Variants in ARL13A observed in about 807,000 individuals in gnomAD.
ARL13A encodes ADP-ribosylation factor-like protein 13A.
Under a neutral mutation model 19.1 loss-of-function variants are expected in ARL13A, and 16 were observed. The ratio of observed to expected loss-of-function variants is 0.84; its 90% CI spans 0.57 to 1.27. The LOEUF is 1.27. Ranked by LOEUF, ARL13A falls within the 50% of genes most tolerant of loss-of-function variation. The pLI is 0.00. For synonymous variants in ARL13A, 69 were observed against 71.3 expected (o/e 0.97, Z 0.17); for missense variants, 153 against 186.4 (o/e 0.82, Z 1.04).
At chrX:100,989,482 C>T (rs959790325) in intron 7 of ARL13A, among the ~76,000 whole-genome samples, 4 of 109,440 alleles carry the variant, frequency 3.7e-5, no homozygotes, top group African/African-American at 1.3e-4. Flanking sequence ...TGGTGGCGGA[C>T]GCCTGTATTC....
At chrX:100,985,581 T>A (rs2085923374) in intron 3 of ARL13A, 86 bp from the exon 4 acceptor site, 2 of 1,090,815 alleles carry the variant, frequency 1.8e-6, no homozygotes, top group Non-Finnish European at 2.5e-6. Context: ...GACAACTGCA[T>A]GAAATCGGAA....
intron 7 of ARL13A, among the ~76,000 whole-genome samples, chrX:100,989,088 A>T (rs2085983504): frequency 9.1e-6 from 1 of 110,143 alleles, no homozygotes; most frequent in Non-Finnish European, 1.9e-5. Context: ...GCCATGGAAT[A>T]CTATGCATAC....
Position 100,990,684 on chromosome X carries a change from G to T in ARL13A, c.*96G>T. The T allele has an allele frequency of 1.1e-6, 1 of 921,191 alleles. No individual in the cohort carries two copies. Among genetic ancestry groups the T allele is most frequent in the South Asian group, 2.2e-5 (1 of 44,796 alleles). 75.9% of individuals were successfully genotyped at this position (921,191 alleles called of 1,213,427 possible). A position where few individuals can be genotyped will look rare whatever the true frequency, so the allele number is the denominator to read the frequency against. On this transcript the variant is annotated 3_prime_UTR_variant, in exon 8 of 8. Transcript: ENST00000450049. ...TACATCTTTGTACCGAGATGCTGCT[G>T]ACAAAGCTTGTGGACAATAAGTCAT...
intron 5 of ARL13A, 57 bp from the exon 6 acceptor site, chrX:100,987,333 C>G: frequency 2.6e-6 from 3 of 1,136,476 alleles, no homozygotes; most frequent in Non-Finnish European, 3.5e-6. Context: ...ACTGGTTCTG[C>G]GGGCCCCAGG....
chrX:100,979,175 A>G (rs886508534), intron 3 of ARL13A, among the ~76,000 whole-genome samples: 1 of 111,818 alleles, frequency 8.9e-6, no homozygotes, highest in Admixed American at 9.5e-5. Context: ...TTACAGTATT[A>G]TAACAATATT....
chrX:100,988,973 T>C (rs2147977660), intron 7 of ARL13A, among the ~76,000 whole-genome samples: 1 of 106,519 alleles, frequency 9.4e-6, no homozygotes, highest in South Asian at 4.1e-4. Context: ...CAAAAAACGA[T>C]GCTCAAGGAT....
chrX:100,980,872 G>T (rs1391618098), intron 3 of ARL13A, among the ~76,000 whole-genome samples: 2 of 111,751 alleles, frequency 1.8e-5, no homozygotes, highest in African/African-American at 3.3e-5. Flanking sequence ...GCCCAGGATG[G>T]GTCTAGAAAT....
At position 100,985,676 on chromosome X, in the gene ARL13A, G is replaced by A; in HGVS notation, c.140G>A (p.Ser47Asn). Reference sequence around the variant, plus strand: ...TTTCCCCTATGCACAGTACTTCCCAGTAAGACAGACCATTGCATGAAATCG... The same window carrying A: ...TTTCCCCTATGCACAGTACTTCCCAATAAGACAGACCATTGCATGAAATCG... ...LVEAFQKLLP[S>N]KTDHCMKSEL... Residue 47 changes from serine to asparagine, a missense_variant, in exon 4 of 8, where the codon AGT becomes AAT. By Grantham distance (46) the Ser-to-Asn change is conservative. Coordinates refer to ENST00000450049, the MANE Select transcript of ARL13A (RefSeq NM_001162491.2). 1 of 1,209,148 alleles carries A rather than the reference G, an allele frequency of 8.3e-7. No homozygotes were observed. Among genetic ancestry groups the A allele is most frequent in the East Asian group, 3.0e-5 (1 of 33,819 alleles).
At chrX:100,978,923 T>A (rs1456984275) in intron 3 of ARL13A, among the ~76,000 whole-genome samples, 3 of 111,200 alleles carry the variant, frequency 2.7e-5, no homozygotes, top group Non-Finnish European at 5.7e-5. Flanking sequence ...TTTTTAATAT[T>A]CACCCACTGC....
chrX:100,990,516 T>C lies in ARL13A; in HGVS notation c.745-46T>C, dbSNP rs764685748. The C allele has an allele frequency of 3.7e-5, 41 of 1,094,916 alleles. No homozygotes were observed. The South Asian group carries it at 1.0e-3, about 27-fold the overall frequency. 90.2% of individuals were successfully genotyped at this position (1,094,916 alleles called of 1,213,427 possible). ...CCATACAACTCCACCTACTCTAATA[T>C]CACATCCCTGAGAACCCCTGTTGTT... is the stretch of plus-strand genomic sequence containing the variant. On this transcript the variant is annotated intron_variant, in intron 7 of 7. Coordinates refer to ENST00000450049, the MANE Select transcript of ARL13A (RefSeq NM_001162491.2).
chrX:100,973,444 G>A (rs1319907841), intron 1 of ARL13A, among the ~76,000 whole-genome samples: 1 of 107,420 alleles, frequency 9.3e-6, no homozygotes, highest in Non-Finnish European at 1.9e-5. Flanking sequence ...CCGGCGCGGC[G>A]GCAAAGACTG....
intron 1 of ARL13A, among the ~76,000 whole-genome samples, 179 bp from the exon 2 acceptor site, chrX:100,973,497 G>A (rs911525259): frequency 9.0e-5 from 10 of 110,799 alleles, no homozygotes; most frequent in Admixed American, 1.9e-4. Flanking sequence ...CCCGGCGGTC[G>A]GGCGGCGGCG....
chrX:100,972,262 G>T (rs2085664352), intron 1 of ARL13A, among the ~76,000 whole-genome samples: 1 of 101,942 alleles, frequency 9.8e-6, no homozygotes, highest in Admixed American at 1.0e-4. Context: ...CCCAGACGGG[G>T]TGGTGGCCGG....
Position 100,973,712 on chromosome X carries a change from G to A in ARL13A, c.23G>A (p.Cys8Tyr). Reference sequence around the variant, plus strand: ...ATCATGTTCCGGCTTTTGTCCTCCTGCTGCTCTTGCCTAAGGACAACAGAA... The same window carrying A: ...ATCATGTTCCGGCTTTTGTCCTCCTACTGCTCTTGCCTAAGGACAACAGAA... MFRLLSS[C>Y]CSCLRTTEET... Residue 8 changes from cysteine (C) to tyrosine (Y), a missense_variant, in exon 2 of 8, where the codon TGC (cysteine) becomes TAC (tyrosine). By Grantham distance (194) the Cys-to-Tyr change is radical (BLOSUM62 -2). Coordinates refer to ENST00000450049, the MANE Select transcript of ARL13A (RefSeq NM_001162491.2). The A allele has an allele frequency of 1.7e-6, 2 of 1,210,936 alleles. No individual in the cohort carries two copies. The highest frequency in any genetic ancestry group is 2.2e-6 in the Non-Finnish European group (2 of 894,954).
chrX:100,987,648 C>A, intron 6 of ARL13A, 92 bp downstream of exon 6: 1 of 1,028,482 alleles, frequency 9.7e-7, no homozygotes, highest in South Asian at 2.2e-5. Flanking sequence ...GTGCTTGGAT[C>A]CTGGGTGGCA....
chrX:100,986,854 C>T lies in ARL13A; in HGVS notation c.439C>T (p.Leu147=). The change falls in exon 5 of 8, where the codon CTA becomes TTA. Residue 147 remains leucine, a synonymous_variant. Transcript: ENST00000450049. ...CATGCCTTGTGATATTATTGACTAT[C>T]TACTTCTAAAGAAGCTAGTGAAAGA... ...ALMPCDIIDY[L]LLKKLVKENK... 1 of 1,206,267 alleles carries T rather than the reference C, an allele frequency of 8.3e-7. No homozygotes were observed. Among genetic ancestry groups the T allele is most frequent in the Non-Finnish European group, 1.1e-6 (1 of 892,513 alleles).
chrX:100,987,287 G>C lies in ARL13A; in HGVS notation c.487-103G>C, dbSNP rs1179485671. Reference sequence around the variant, plus strand: ...TCTCAGAGCCTCTCTAGGCATAGCAGAGTTTATGTGTTCCTTCACTCTTTG... The same window carrying C: ...TCTCAGAGCCTCTCTAGGCATAGCACAGTTTATGTGTTCCTTCACTCTTTG... On this transcript the variant is annotated intron_variant, in intron 5 of 7. Coordinates refer to ENST00000450049, the MANE Select transcript of ARL13A (RefSeq NM_001162491.2). The C allele has an allele frequency of 7.1e-6, 6 of 839,597 alleles. No individual in the cohort carries two copies. The East Asian group carries it at 2.0e-4, about 27-fold the overall frequency. 69.2% of individuals were successfully genotyped at this position (839,597 alleles called of 1,213,427 possible). A position where few individuals can be genotyped will look rare whatever the true frequency, so the allele number is the denominator to read the frequency against.
intron 7 of ARL13A, among the ~76,000 whole-genome samples, chrX:100,990,033 A>G: frequency 8.9e-6 from 1 of 112,914 alleles, no homozygotes; most frequent in East Asian, 2.8e-4. Flanking sequence ...ATAACTCCAG[A>G]ACTTATGGCA....
intron 1 of ARL13A, among the ~76,000 whole-genome samples, chrX:100,972,262 G>A (rs2085664352): frequency 2.0e-5 from 2 of 101,942 alleles, no homozygotes; most frequent in Admixed American, 2.0e-4. Flanking sequence ...CCCAGACGGG[G>A]TGGTGGCCGG....
Sources: allele counts gnomAD v4.1 joint callset (sites outside exome capture counted in the v4.1 genomes callset), GRCh38; gene constraint gnomAD v4.1.1; transcripts MANE v1.5; gene names NCBI Gene and HGNC (gene_info 2026-07-23, HGNC 2026-07-21).